Variants in FBXO25 observed in about 807,000 individuals in gnomAD.
FBXO25 encodes F-box only protein 25.
Under a neutral mutation model 51.9 loss-of-function variants are expected in FBXO25, and 45 were observed. The observed-to-expected ratio is 0.87, with a 90% CI of 0.68 to 1.11. The LOEUF (loss-of-function observed/expected upper bound fraction) is 1.11, where lower values mean the gene tolerates loss of function less well. Among genes scored for constraint, FBXO25 ranks in the 50% most tolerant of loss-of-function variants. FBXO25 has a pLI of 0.00. For synonymous variants in FBXO25, 199 were observed against 151.0 expected (o/e 1.32, Z -2.33); for missense variants, 507 against 428.5 (o/e 1.18, Z -1.62).
At chr8:425,588 G>T (rs1372694478) in intron 2 of FBXO25, among the ~76,000 whole-genome samples, 1 of 150,236 alleles carries the variant, frequency 6.7e-6, no homozygotes, top group Non-Finnish European at 1.5e-5. Context: ...TCAGTTATAT[G>T]TTTAAATAAT....
intron 8 of FBXO25, among the ~76,000 whole-genome samples, chr8:460,582 A>G (rs1053871895): frequency 9.2e-5 from 14 of 152,350 alleles, no homozygotes; most frequent in African/African-American, 3.4e-4. Flanking sequence ...AGTCAGCTAA[A>G]TGCTCTTGAC....
intron 7 of FBXO25, among the ~76,000 whole-genome samples, chr8:455,917 A>G (rs1359053815): frequency 6.6e-6 from 1 of 152,226 alleles, no homozygotes; most frequent in Non-Finnish European, 1.5e-5. Context: ...TGTTATAGCC[A>G]TTAACAGGGA....
chr8:431,131 A>G (rs533335271), intron 2 of FBXO25, among the ~76,000 whole-genome samples: 2 of 152,252 alleles, frequency 1.3e-5, no homozygotes. Context: ...CAGAGATTCT[A>G]AAACATGTTC....
intron 2 of FBXO25, among the ~76,000 whole-genome samples, chr8:417,366 T>C (rs1796871588): frequency 6.6e-6 from 1 of 152,158 alleles, no homozygotes; most frequent in Non-Finnish European, 1.5e-5. Flanking sequence ...GAGGGTTGGG[T>C]TAACCCCCAT....
At chr8:408,255 C>T (rs1796282833) in intron 1 of FBXO25, among the ~76,000 whole-genome samples, 1 of 151,824 alleles carries the variant, frequency 6.6e-6, no homozygotes, top group South Asian at 2.1e-4. Flanking sequence ...GTGTTGTATT[C>T]CTTGTTTTAG....
intron 2 of FBXO25, among the ~76,000 whole-genome samples, chr8:427,213 G>A (rs1464311863): frequency 4.6e-5 from 7 of 152,080 alleles, no homozygotes; most frequent in Non-Finnish European, 1.5e-5. Flanking sequence ...CTTCCGGGGA[G>A]GAGCTGACCA....
rs1182651819 is a variant in FBXO25, at chr8:473,673, C to G, written c.*4869C>G. The G allele has an allele frequency of 6.6e-6, 1 of 152,182 alleles. No homozygotes were observed. The highest frequency in any genetic ancestry group is 1.5e-5 in the Non-Finnish European group (1 of 68,050). The allele number at this position is 152,182 out of a possible 1,614,324, so 9.4% of individuals were successfully genotyped here. A position where few individuals can be genotyped will look rare whatever the true frequency, so the allele number is the denominator to read the frequency against. On this transcript the variant is annotated 3_prime_UTR_variant, in exon 10 of 10. Transcript: ENST00000350302. The stretch of plus-strand genomic sequence containing the variant: ...AGGCACTGCTGGTGCCACAGGGGTC[C>G]TGGGCTGGCTCTTGGACCATAACCA...
At chr8:440,572 G>A (rs111320038) in intron 5 of FBXO25, among the ~76,000 whole-genome samples, 11 of 151,432 alleles carry the variant, frequency 7.3e-5, no homozygotes, top group Admixed American at 1.3e-4. Flanking sequence ...TCTTAAATGC[G>A]TCATATGACT....
At chr8:424,797 A>T (rs1291554192) in intron 2 of FBXO25, among the ~76,000 whole-genome samples, 1 of 152,122 alleles carries the variant, frequency 6.6e-6, no homozygotes, top group Non-Finnish European at 1.5e-5. Flanking sequence ...GAGTAGTGTG[A>T]TGCCTCTGGC....
At position 436,334 on chromosome 8, in the gene FBXO25, G is replaced by C. The variant is rs1334169194; in HGVS notation, c.381+627G>C. On this transcript the variant is annotated intron_variant, in intron 5 of 9. Coordinates refer to ENST00000350302, the MANE Select transcript of FBXO25 (RefSeq NM_183420.2). ...TATTATGGATAAAATAGAAGCTATA[G>C]TTTATGAAGCTATTAATTTTGTGTT... 3.3e-5 allele frequency among the ~76,000 whole-genome samples: 5 copies of C among 152,260 alleles called. No individual in the cohort carries two copies. The South Asian group carries it at 1.0e-3, about 32-fold the overall frequency.
At chr8:444,183 C>G (rs1396695061) in intron 5 of FBXO25, among the ~76,000 whole-genome samples, 1 of 152,162 alleles carries the variant, frequency 6.6e-6, no homozygotes, top group Admixed American at 6.5e-5. Flanking sequence ...CTGAAGGAAC[C>G]CAAAGGCGAA....
intron 9 of FBXO25, among the ~76,000 whole-genome samples, chr8:463,585 TAGGCTTC>T (rs1343889504): frequency 1.3e-5 from 2 of 152,212 alleles, no homozygotes; most frequent in Non-Finnish European, 2.9e-5. Context: ...AGGACCAGCT[TAGGCTTC>T]ATTTCTCAAA....
chr8:464,379 A>G (rs1286994284), intron 9 of FBXO25, among the ~76,000 whole-genome samples: 3 of 152,216 alleles, frequency 2.0e-5, no homozygotes, highest in Non-Finnish European at 4.4e-5. Context: ...AAATGTTGAA[A>G]CTAGGCATAA....
At chr8:440,651 A>G (rs1798371060) in intron 5 of FBXO25, among the ~76,000 whole-genome samples, 1 of 152,050 alleles carries the variant, frequency 6.6e-6, no homozygotes, top group African/African-American at 2.4e-5. Context: ...GGTTTGTTAC[A>G]TAGGTATACA....
At chr8:418,194 T>A (rs1043211825) in intron 2 of FBXO25, among the ~76,000 whole-genome samples, 4 of 152,090 alleles carry the variant, frequency 2.6e-5, no homozygotes, top group Non-Finnish European at 5.9e-5. Flanking sequence ...GCCATCTGCG[T>A]TTTGGGGACA....
intron 5 of FBXO25, among the ~76,000 whole-genome samples, chr8:447,356 A>C (rs1798804593): frequency 6.6e-6 from 1 of 152,144 alleles, no homozygotes; most frequent in African/African-American, 2.4e-5. Flanking sequence ...TGCCCTAGGA[A>C]GTCCCACCTC....
intron 5 of FBXO25, among the ~76,000 whole-genome samples, chr8:448,393 G>C (rs138251082): frequency 2.2e-3 from 340 of 152,334 alleles, no homozygotes; most frequent in African/African-American, 8.0e-3. Flanking sequence ...TGAGGGAAAA[G>C]ATCAGGGTGG....
chr8:451,684 G>T (rs918961789), intron 7 of FBXO25, among the ~76,000 whole-genome samples: 5 of 152,112 alleles, frequency 3.3e-5, no homozygotes, highest in African/African-American at 1.2e-4. Context: ...TGATCCTATG[G>T]GTGATTAGAT....
At position 476,696 on chromosome 8, in the gene FBXO25, C is replaced by G. The variant is rs1251783285; in HGVS notation, c.*7892C>G. On this transcript the variant is annotated 3_prime_UTR_variant, in exon 10 of 10. Transcript: ENST00000350302. ...ATTTCTGTAAAATCAGTTGTAATGT[C>G]TCCTCCTGGTTTTTAGTTGTTTTTC... 2.6e-5 allele frequency: 4 copies of G among 152,068 alleles called. No homozygotes were observed. The allele number at this position is 152,068 out of a possible 1,614,324, so 9.4% of individuals were successfully genotyped here.
Sources: allele counts gnomAD v4.1 joint callset (sites outside exome capture counted in the v4.1 genomes callset), GRCh38; gene constraint gnomAD v4.1.1; transcripts MANE v1.5; gene names NCBI Gene and HGNC (gene_info 2026-07-23, HGNC 2026-07-21).